The following SEMA3F variants were observed in gnomAD, a reference collection of about 807,000 sequenced individuals.
SEMA3F encodes the protein semaphorin 3F.
Under a neutral mutation model 98.5 loss-of-function variants are expected in SEMA3F, and 30 were observed. The ratio of observed to expected loss-of-function variants is 0.30; its 90% CI spans 0.23 to 0.41. SEMA3F has a LOEUF of 0.41. SEMA3F is among the 10% of genes least tolerant of loss of function. The pLI, the probability that SEMA3F is intolerant of heterozygous loss-of-function variation, is 1.00. For missense variants in SEMA3F, 866 were observed against 1,119.3 expected (o/e 0.77, Z 3.23); for synonymous variants, 380 against 444.8 (o/e 0.85, Z 1.83).
In SEMA3F at chr3:50,156,279, G is replaced by T. The variant is rs1697978277; in HGVS notation, c.-49+715G>T. On this transcript the variant is annotated intron_variant, in intron 1 of 18. Transcript: ENST00000002829. This position sits in a 1 kb window ranked among gnomAD's most constrained non-coding sequence, Gnocchi z 4.5. ...CAGGGGACAGCGGGGGCTTGGCGGG[G>T]TTGCCCCCAGCAGATGGGACAGGAG... Among the ~76,000 whole-genome samples the T allele has an allele frequency of 6.6e-6, 1 of 152,360 alleles. No individual in the cohort carries two copies. Among genetic ancestry groups the T allele is most frequent in the Admixed American group, 6.5e-5 (1 of 15,308 alleles).
At position 50,174,257 on chromosome 3, in the gene SEMA3F, C is replaced by T. The variant is rs770947200; in HGVS notation, c.363C>T (p.Leu121=). 4.3e-6 allele frequency: 7 copies of T among 1,613,760 alleles called. No individual in the cohort carries two copies. Among genetic ancestry groups the T allele is most frequent in the Admixed American group, 1.7e-5 (1 of 60,022 alleles). ...VNGECGNFVR[L]IQPWNRTHLY... The stretch of plus-strand genomic sequence containing the variant: ...GCGAGTGTGGGAACTTCGTCAGGCT[C>T]ATCCAGCCCTGGAACCGAACACACC... Residue 121 remains leucine (L), a synonymous_variant, in exon 5 of 19, where the codon CTC becomes CTT. Transcript: ENST00000002829.
intron 3 of SEMA3F, 35 bp from the exon 4 acceptor site, chr3:50,174,017 C>T: frequency 6.2e-7 from 1 of 1,613,972 alleles, no homozygotes; most frequent in Non-Finnish European, 8.5e-7. Flanking sequence ...AGGGCATGTC[C>T]AGAAGGCTGC....
chr3:50,188,271 C>T lies in SEMA3F; in HGVS notation c.*156C>T, dbSNP rs1699312247. ...TATTGGTGGGTTGAATATAGCCTGC[C>T]TCAGTGGCAGCATCCTCCAAAACTT... On this transcript the variant is annotated 3_prime_UTR_variant, in exon 19 of 19. Coordinates refer to ENST00000002829, the MANE Select transcript of SEMA3F (RefSeq NM_004186.5). This position sits in a 1 kb window ranked among gnomAD's most constrained non-coding sequence, Gnocchi z 4.5. 1 of 252,908 alleles carries T rather than the reference C, an allele frequency of 4.0e-6. No homozygotes were observed. The highest frequency in any genetic ancestry group is 2.3e-5 in the African/African-American group (1 of 44,396). The allele number at this position is 252,908 out of a possible 1,614,324, so 15.7% of individuals were successfully genotyped here.
chr3:50,165,478 C>G (rs1325982938), intron 2 of SEMA3F, among the ~76,000 whole-genome samples: 8 of 152,200 alleles, frequency 5.3e-5, no homozygotes, highest in Admixed American at 2.6e-4. Context: ...GCAATAACTC[C>G]TTCTGTGAAT....
chr3:50,157,878 G>A (rs1698053689), intron 1 of SEMA3F, among the ~76,000 whole-genome samples: 1 of 152,108 alleles, frequency 6.6e-6, no homozygotes, highest in Non-Finnish European at 1.5e-5. Context: ...GAGGCGGGAG[G>A]CAGGTTGACA....
At position 50,188,096 on chromosome 3, in the gene SEMA3F, A is replaced by C; in HGVS notation, c.2339A>C (p.His780Pro). ...CAGAAAAAGCCCCGGAACCGCCGGC[A>C]CCACCCTCCGGACACATGAGGCCAG... ...QDQKKPRNRR[H>P]HPPDT The change falls in exon 19 of 19, where the codon CAC (histidine) becomes CCC (proline). Residue 780 changes from histidine (H) to proline (P), a missense_variant. His to Pro is a moderately conservative substitution (Grantham distance 77). Around this residue, in one of 3 missense-constraint regions of SEMA3F, gnomAD observed 245 missense variants for 260.5 expected, o/e 0.94. Transcript: ENST00000002829. This position sits in a 1 kb window ranked among gnomAD's most constrained non-coding sequence, Gnocchi z 4.5. 6.5e-7 allele frequency: 1 copy of C among 1,537,328 alleles called. No homozygotes were observed. Among genetic ancestry groups the C allele is most frequent in the Non-Finnish European group, 8.8e-7 (1 of 1,141,606 alleles).
At chr3:50,162,603 C>G (rs540164973) in intron 2 of SEMA3F, among the ~76,000 whole-genome samples, 2 of 152,340 alleles carry the variant, frequency 1.3e-5, no homozygotes, top group East Asian at 3.9e-4. Flanking sequence ...CCTTCCCCCA[C>G]CTTGAGATGA....
rs1370016692 is a variant in SEMA3F at position 50,188,874 on chromosome 3, G to A, written c.*759G>A. On this transcript the variant is annotated 3_prime_UTR_variant, in exon 19 of 19. Transcript: ENST00000002829. This position sits in a 1 kb window ranked among gnomAD's most constrained non-coding sequence, Gnocchi z 4.5. ...CGGGAGGCCCCAGCTCTGAGGGGAGGGGGTCCGTGGTAGAGGCCTGGGGCC... is the reference window on the plus strand; with the variant it reads ...CGGGAGGCCCCAGCTCTGAGGGGAGAGGGTCCGTGGTAGAGGCCTGGGGCC... 1 of 152,554 alleles carries A rather than the reference G, an allele frequency of 6.6e-6. No individual in the cohort carries two copies. The highest frequency in any genetic ancestry group is 2.4e-5 in the African/African-American group (1 of 41,456). 9.5% of individuals were successfully genotyped at this position (152,554 alleles called of 1,614,324 possible).
At chr3:50,164,313 G>A (rs1698323724) in intron 2 of SEMA3F, among the ~76,000 whole-genome samples, 1 of 152,198 alleles carries the variant, frequency 6.6e-6, no homozygotes, top group Non-Finnish European at 1.5e-5. Flanking sequence ...ATGTTCCTTG[G>A]CAGCCCCCAC....
In SEMA3F at chr3:50,185,443, A is replaced by G; in HGVS notation, c.1457A>G (p.Asp486Gly). Reference protein sequence around the residue: ...GRYEVLFLGTDRGTVQKVIVL... With the variant: ...GRYEVLFLGTGRGTVQKVIVL... ...TGAGGCCCTGCCCGGCCCGTTCCAG[A>G]CCGCGGGACAGTGCAGAAGGTCATT... Residue 486 changes from aspartate to glycine, a missense_variant and splice_region_variant, in exon 14 of 19, where the codon GAC becomes GGC. Transcript: ENST00000002829. 1 of 1,608,756 alleles carries G rather than the reference A, an allele frequency of 6.2e-7. No homozygotes were observed. Among genetic ancestry groups the G allele is most frequent in the East Asian group, 2.2e-5 (1 of 44,582 alleles).
chr3:50,184,400 G>C, intron 12 of SEMA3F, 192 bp from the exon 13 acceptor site: 1 of 593,550 alleles, frequency 1.7e-6, no homozygotes, highest in East Asian at 2.8e-5. Context: ...TGTGGCATTT[G>C]GCCACCTGGG....
intron 11 of SEMA3F, 51 bp from the exon 12 acceptor site, chr3:50,183,369 G>A: frequency 3.1e-6 from 5 of 1,608,020 alleles, no homozygotes; most frequent in Non-Finnish European, 4.3e-6. Flanking sequence ...TTTGGGGAGG[G>A]GCCCTAGGTG....
At chr3:50,169,469 C>A (rs545962410) in intron 2 of SEMA3F, among the ~76,000 whole-genome samples, 94 of 152,296 alleles carry the variant, frequency 6.2e-4, no homozygotes, top group African/African-American at 2.2e-3. Flanking sequence ...GCTCTTCCTT[C>A]CCGATGATGG....
chr3:50,182,191 G>A lies in SEMA3F; in HGVS notation c.644-93G>A, dbSNP rs1385549502. 44 of 1,512,078 alleles carry A rather than the reference G, an allele frequency of 2.9e-5. No individual in the cohort carries two copies. The highest frequency in any genetic ancestry group is 2.3e-4 in the East Asian group (10 of 44,058). The allele number at this position is 1,512,078 out of a possible 1,614,324, so 93.7% of individuals were successfully genotyped here. A position where few individuals can be genotyped will look rare whatever the true frequency, so the allele number is the denominator to read the frequency against. The stretch of plus-strand genomic sequence containing the variant: ...GGATCATGCCCCAGGGAGCCTGAGC[G>A]GGGAGATAAGGCCCTGCCCTGGAAG... On this transcript the variant is annotated intron_variant, in intron 7 of 18. Coordinates refer to ENST00000002829, the MANE Select transcript of SEMA3F (RefSeq NM_004186.5). The surrounding 1 kb of genome is among the most constrained non-coding windows in gnomAD (Gnocchi z 4.5).
rs1261668510 is a variant in SEMA3F at position 50,186,309 on chromosome 3, G to A, written c.1774G>A (p.Gly592Arg). Residue 592 changes from glycine to arginine, a missense_variant, in exon 17 of 19, where the codon GGA (glycine) becomes AGA (arginine). Physicochemically the swap from Gly to Arg is moderately radical, Grantham distance 125. Coordinates refer to ENST00000002829, the MANE Select transcript of SEMA3F (RefSeq NM_004186.5). The part of the protein sequence containing the change: ...RRSRRQDVRH[G>R]NPIRQCRGFN... ...GAGCCGCCGGCAGGACGTCCGGCAC[G>A]GAAACCCCATCAGGCAGTGCCGTGG... The A allele has an allele frequency of 3.1e-6, 5 of 1,613,748 alleles. No individual in the cohort carries two copies. Among genetic ancestry groups the A allele is most frequent in the African/African-American group, 1.3e-5 (1 of 74,910 alleles).
intron 15 of SEMA3F, 44 bp from the exon 16 acceptor site, chr3:50,185,845 T>C: frequency 6.2e-7 from 1 of 1,606,500 alleles, no homozygotes; most frequent in Non-Finnish European, 8.5e-7. Flanking sequence ...TTGGTGGGGC[T>C]GGCTATGGGA....
intron 7 of SEMA3F, among the ~76,000 whole-genome samples, chr3:50,181,175 T>C (rs1699002354): frequency 6.6e-6 from 1 of 152,164 alleles, no homozygotes; most frequent in Non-Finnish European, 1.5e-5. Flanking sequence ...GACACAGGGT[T>C]GCCACAAACC....
In SEMA3F at chr3:50,185,675, C is replaced by A. The variant is rs1225256924; in HGVS notation, c.1555C>A (p.Pro519Thr). 7.4e-6 allele frequency: 12 copies of A among 1,614,076 alleles called. No homozygotes were observed. The East Asian group carries it at 2.5e-4, about 33-fold the overall frequency. ...EEVEVFKDPA[P>T]VKTMTISSKR... ...CTTTATCTTTTTCTAGGATCCAGCA[C>A]CCGTCAAGACCATGACCATCTCTTC... Residue 519 changes from proline to threonine, a missense_variant, in exon 15 of 19, where the codon CCC becomes ACC. This residue lies in a region of SEMA3F where 374 missense variants were observed against 582.8 expected (regional missense o/e 0.64). Transcript: ENST00000002829.
intron 7 of SEMA3F, among the ~76,000 whole-genome samples, chr3:50,178,802 C>A (rs1163297093): frequency 2.0e-5 from 3 of 147,198 alleles, no homozygotes; most frequent in South Asian, 2.1e-4. Context: ...AGAGCTCAGG[C>A]AGAGTAGATT....
Sources: allele counts gnomAD v4.1 joint callset (sites outside exome capture counted in the v4.1 genomes callset), GRCh38; gene constraint gnomAD v4.1.1; regional missense constraint gnomAD v4.1.1; non-coding constraint Gnocchi (gnomAD v3.1); transcripts MANE v1.5; gene names NCBI Gene and HGNC (gene_info 2026-07-23, HGNC 2026-07-21).